The following UBE2E1 variants were observed in gnomAD, a reference collection of about 807,000 sequenced individuals.
UBE2E1 encodes the protein ubiquitin conjugating enzyme E2 E1, also known as ubiquitin-conjugating enzyme E2 E1.
A neutral mutation model predicts 21.4 loss-of-function variants in UBE2E1; 6 were observed. The observed-to-expected ratio is 0.28, with a 90% CI of 0.15 to 0.55. The LOEUF (loss-of-function observed/expected upper bound fraction) is 0.55. Ranked by LOEUF, UBE2E1 falls within the 20% of genes least tolerant of loss-of-function variation. The pLI is 0.93. For missense variants in UBE2E1, 142 were observed against 236.5 expected (o/e 0.60, Z 2.62); for synonymous variants, 87 against 82.7 (o/e 1.05, Z -0.28).
intron 3 of UBE2E1, among the ~76,000 whole-genome samples, chr3:23,874,986 C>T (rs1164416457): frequency 2.0e-5 from 3 of 152,120 alleles, no homozygotes; most frequent in Admixed American, 6.5e-5. Context: ...TTCAGCCATC[C>T]CTAGTTAAGA....
chr3:23,830,340 AC>A (rs1280973338), intron 3 of UBE2E1, among the ~76,000 whole-genome samples: 1 of 152,124 alleles, frequency 6.6e-6, no homozygotes, highest in African/African-American at 2.4e-5. Context: ...CTCTTGCCCT[AC>A]CCCCATCACA....
At chr3:23,888,698 G>A (rs1701261742) in intron 4 of UBE2E1, among the ~76,000 whole-genome samples, 2 of 152,060 alleles carry the variant, frequency 1.3e-5, no homozygotes, top group Non-Finnish European at 2.9e-5. Flanking sequence ...TAAGTATGTT[G>A]TTTAATTATC....
In UBE2E1 at chr3:23,810,602, C is replaced by G; in HGVS notation, c.153-858C>G. On this transcript the variant is annotated intron_variant, in intron 2 of 5. Coordinates refer to ENST00000306627, the MANE Select transcript of UBE2E1 (RefSeq NM_003341.5). This position sits in a 1 kb window ranked among gnomAD's most constrained non-coding sequence, Gnocchi z 5.8. ...AGGGTCCGGTGCACCTGTGCGGCCG[C>G]GGGCCGGCCACTTGGGGTCTGTGGT... 3.5e-6 allele frequency: 5 copies of G among 1,409,990 alleles called. No individual in the cohort carries two copies. In the South Asian group the frequency reaches 6.8e-5, roughly 19 times the overall value. The allele number at this position is 1,409,990 out of a possible 1,614,324, so 87.3% of individuals were successfully genotyped here.
chr3:23,812,845 T>C (rs543128819), intron 3 of UBE2E1, among the ~76,000 whole-genome samples: 3 of 152,308 alleles, frequency 2.0e-5, no homozygotes, highest in African/African-American at 7.2e-5. Flanking sequence ...TTCTGTGCTG[T>C]CTAGTTATTG....
intron 3 of UBE2E1, among the ~76,000 whole-genome samples, chr3:23,884,314 C>G (rs1701125884): frequency 6.6e-6 from 1 of 152,138 alleles, no homozygotes; most frequent in Non-Finnish European, 1.5e-5. Context: ...GTAAAATGTT[C>G]AAACTTATGC....
chr3:23,867,751 A>C (rs1273960962), intron 3 of UBE2E1, among the ~76,000 whole-genome samples: 1 of 152,224 alleles, frequency 6.6e-6, no homozygotes, highest in Non-Finnish European at 1.5e-5. Flanking sequence ...AGGAGAAGGA[A>C]GAGGGTAGGA....
intron 3 of UBE2E1, among the ~76,000 whole-genome samples, chr3:23,880,371 G>A (rs1361894395): frequency 2.0e-5 from 3 of 152,114 alleles, no homozygotes; most frequent in Admixed American, 6.6e-5. Context: ...TGACACAAGC[G>A]AAGCTCTGTC....
At position 23,842,250 on chromosome 3, in the gene UBE2E1, G is replaced by GGGT. The variant is rs79440666; in HGVS notation, c.203+30740_203+30741insGGT. 2.3e-5 allele frequency among the ~76,000 whole-genome samples: 2 copies of GGGT among 86,286 alleles called. No homozygotes were observed. The highest frequency in any genetic ancestry group is 4.6e-5 in the Non-Finnish European group (2 of 43,230). The allele number at this position is 86,286 out of a possible 152,430, so 56.6% of individuals were successfully genotyped here. ...GTGTGTGTGTGTGTGTGTGTGTGTG[G>GGGT]TGTTGTTGTTGTTGGCGACAGGGTC... On this transcript the variant is annotated intron_variant, in intron 3 of 5. Transcript: ENST00000306627. The surrounding 1 kb of genome is among the most constrained non-coding windows in gnomAD (Gnocchi z 4.6).
intron 3 of UBE2E1, among the ~76,000 whole-genome samples, chr3:23,828,739 T>G (rs1252171719): frequency 6.6e-6 from 1 of 152,200 alleles, no homozygotes; most frequent in African/African-American, 2.4e-5. Context: ...GAACAAGACA[T>G]TATATAAAGG....
intron 3 of UBE2E1, among the ~76,000 whole-genome samples, chr3:23,883,414 G>A (rs964563151): frequency 3.3e-5 from 5 of 152,094 alleles, no homozygotes; most frequent in African/African-American, 9.7e-5. Context: ...TTATAGAGTT[G>A]TTAATATTGT....
At chr3:23,869,018 AG>A (rs1385885677) in intron 3 of UBE2E1, among the ~76,000 whole-genome samples, 2 of 152,288 alleles carry the variant, frequency 1.3e-5, no homozygotes, top group African/African-American at 4.8e-5. Context: ...ATCATATATA[AG>A]TAAGAGTCTC....
At chr3:23,864,370 G>A (rs1236516079) in intron 3 of UBE2E1, among the ~76,000 whole-genome samples, 1 of 151,892 alleles carries the variant, frequency 6.6e-6, no homozygotes, top group Non-Finnish European at 1.5e-5. Flanking sequence ...AGTTATTTTG[G>A]ACCTCCTCTC....
intron 3 of UBE2E1, among the ~76,000 whole-genome samples, chr3:23,875,712 A>T (rs1456519797): frequency 6.6e-6 from 1 of 152,176 alleles, no homozygotes; most frequent in Admixed American, 6.5e-5. Flanking sequence ...AGTTAGGAAG[A>T]TATATCCCCT....
chr3:23,846,718 A>AAAG (rs59695861), intron 3 of UBE2E1, among the ~76,000 whole-genome samples: 2 of 149,302 alleles, frequency 1.3e-5, no homozygotes, highest in South Asian at 2.1e-4. Context: ...AAAAAAAAAA[A>AAAG]GGGAATGGGT....
chr3:23,814,828 C>A (rs765446226), intron 3 of UBE2E1, among the ~76,000 whole-genome samples: 3 of 152,150 alleles, frequency 2.0e-5, no homozygotes, highest in Non-Finnish European at 4.4e-5. Context: ...TGCCTAAGTC[C>A]TTTAAACTTC....
In UBE2E1 at chr3:23,890,909, C is replaced by T; in HGVS notation, c.*303C>T. The T allele has an allele frequency of 4.7e-6, 1 of 213,266 alleles. No individual in the cohort carries two copies. The highest frequency in any genetic ancestry group is 9.3e-6 in the Non-Finnish European group (1 of 107,994). The allele number at this position is 213,266 out of a possible 1,614,324, so 13.2% of individuals were successfully genotyped here. A position where few individuals can be genotyped will look rare whatever the true frequency, so the allele number is the denominator to read the frequency against. ...CTTGTAGTCTGTAAATTTAAAACAGCTTAATTTGGTACAGGTTACACATAT... is the reference window on the plus strand; with the variant it reads ...CTTGTAGTCTGTAAATTTAAAACAGTTTAATTTGGTACAGGTTACACATAT... On this transcript the variant is annotated 3_prime_UTR_variant, in exon 6 of 6. Transcript: ENST00000306627.
At chr3:23,864,926 C>T (rs1483355414) in intron 3 of UBE2E1, among the ~76,000 whole-genome samples, 3 of 152,240 alleles carry the variant, frequency 2.0e-5, no homozygotes, top group African/African-American at 7.2e-5. Context: ...AGCACCTCTG[C>T]CCTCATCCAT....
At chr3:23,857,092 T>C (rs1700459291) in intron 3 of UBE2E1, among the ~76,000 whole-genome samples, 1 of 151,104 alleles carries the variant, frequency 6.6e-6, no homozygotes, top group Non-Finnish European at 1.5e-5. Context: ...TAGTTTACTG[T>C]GGAATGTTGA....
At chr3:23,883,637 G>T (rs532193161) in intron 3 of UBE2E1, among the ~76,000 whole-genome samples, 2 of 152,246 alleles carry the variant, frequency 1.3e-5, no homozygotes, top group African/African-American at 2.4e-5. Context: ...GATATTCAGG[G>T]CTGAGCATGG....
Sources: gnomAD v4.1 joint callset for allele counts (sites outside exome capture counted in the v4.1 genomes callset) on GRCh38, gnomAD v4.1.1 for gene constraint, Gnocchi (gnomAD v3.1) non-coding constraint, MANE v1.5 for transcripts, NCBI Gene and HGNC (gene_info 2026-07-23, HGNC 2026-07-21) for gene names.